The following DACH2 variants were observed in gnomAD, a reference collection of about 807,000 sequenced individuals.
DACH2 encodes the protein dachshund homolog 2.
Under a neutral mutation model 35.8 loss-of-function variants are expected in DACH2, and 17 were observed. That is an observed-to-expected ratio of 0.48 (90% confidence interval 0.33 to 0.71). The LOEUF (loss-of-function observed/expected upper bound fraction) is 0.71. Ranked by LOEUF, DACH2 falls within the 30% of genes least tolerant of loss-of-function variation. The probability of loss-of-function intolerance (pLI) is 0.02; values close to 1 mark genes in which losing one functional copy is unlikely to be tolerated. For missense variants in DACH2, 469 were observed against 472.7 expected, an observed-to-expected ratio of 0.99 and a Z score of 0.07; for synonymous variants, 195 against 177.3, an observed-to-expected ratio of 1.10 and a Z score of -0.79.
At chrX:86,370,729 G>C (rs760667114) in intron 1 of DACH2, among the ~76,000 whole-genome samples, 1 of 111,616 alleles carries the variant, frequency 9.0e-6, no homozygotes, top group African/African-American at 3.2e-5. Flanking sequence ...AGCTTTATAC[G>C]ACAGAAATGA....
At chrX:86,819,439 A>G (rs968513063) in intron 11 of DACH2, among the ~76,000 whole-genome samples, 5 of 110,830 alleles carry the variant, frequency 4.5e-5, no homozygotes, top group African/African-American at 1.6e-4. Context: ...CTTCAGATCA[A>G]TGATATTTTT....
In DACH2 at chrX:86,502,003, TTTCCTTCTTTCCTTCC is replaced by T. The variant is rs1471960889; in HGVS notation, c.528-12268_528-12253del. On this transcript the variant is annotated intron_variant, in intron 2 of 11. Coordinates refer to ENST00000373125, the MANE Select transcript of DACH2 (RefSeq NM_053281.3). ...GGCAAAACATTTTGAATAATCCTTCTTTCCTTCTTTCCTTCCTTCCTTCCTTCCTTCCTTCCTTCCT... is the reference window on the plus strand; with the variant it reads ...GGCAAAACATTTTGAATAATCCTTCTTTCCTTCCTTCCTTCCTTCCTTCCT... Among the ~76,000 whole-genome samples the T allele has an allele frequency of 5.1e-4, 43 of 84,729 alleles. No homozygotes were observed. In the East Asian group the frequency reaches 7.5e-3, roughly 15 times the overall value. The allele number at this position is 84,729 out of a possible 115,157, so 73.6% of individuals were successfully genotyped here. A position where few individuals can be genotyped will look rare whatever the true frequency, so the allele number is the denominator to read the frequency against.
chrX:86,530,983 T>C (rs2038710842), intron 3 of DACH2, among the ~76,000 whole-genome samples: 1 of 112,023 alleles, frequency 8.9e-6, no homozygotes, highest in African/African-American at 3.2e-5. Flanking sequence ...GAAAGCATTG[T>C]GCCCCTGTCC....
At chrX:86,659,775 G>A (rs1413005870) in intron 4 of DACH2, among the ~76,000 whole-genome samples, 2 of 111,770 alleles carry the variant, frequency 1.8e-5, no homozygotes, top group Non-Finnish European at 3.8e-5. Context: ...TGGTTACAAT[G>A]AACGAATCTG....
intron 1 of DACH2, among the ~76,000 whole-genome samples, chrX:86,335,072 T>C (rs1244175826): frequency 1.8e-5 from 2 of 111,642 alleles, no homozygotes; most frequent in Non-Finnish European, 3.8e-5. Flanking sequence ...TGGTTGTAGA[T>C]GTGGGGCACT....
At position 86,429,132 on chromosome X, in the gene DACH2, G is replaced by A. The variant is rs764667466; in HGVS notation, c.527+52270G>A. 4.5e-5 allele frequency among the ~76,000 whole-genome samples: 5 copies of A among 110,740 alleles called. No homozygotes were observed. In the East Asian group the frequency reaches 1.1e-3, roughly 25 times the overall value. Reference sequence around the variant, plus strand: ...GTTGAGTGTATAAAGGGCAGCTTAGGTATTCTCTGAATTTGTCCTTTATAA... The same window carrying A: ...GTTGAGTGTATAAAGGGCAGCTTAGATATTCTCTGAATTTGTCCTTTATAA... On this transcript the variant is annotated intron_variant, in intron 2 of 11. Coordinates refer to ENST00000373125, the MANE Select transcript of DACH2 (RefSeq NM_053281.3).
At chrX:86,461,529 A>G (rs2037573012) in intron 2 of DACH2, among the ~76,000 whole-genome samples, 2 of 111,109 alleles carry the variant, frequency 1.8e-5, no homozygotes, top group Non-Finnish European at 3.8e-5. Flanking sequence ...ATGATGTTTT[A>G]GAAGTGATAT....
chrX:86,657,300 C>T (rs12009466), intron 4 of DACH2, among the ~76,000 whole-genome samples: 3,314 of 110,570 alleles, frequency 0.03, 145 homozygotes, highest in African/African-American at 0.1. Context: ...ATAGATACCC[C>T]ATTTACCCTG....
intron 1 of DACH2, among the ~76,000 whole-genome samples, chrX:86,191,962 T>G (rs138755639): frequency 3.1e-3 from 349 of 111,138 alleles, no homozygotes; most frequent in Middle Eastern, 4.6e-3. Context: ...AAACAAACCT[T>G]AAAAAATCTT....
chrX:86,633,463 A>G (rs1010857656), intron 3 of DACH2, among the ~76,000 whole-genome samples: 2 of 111,763 alleles, frequency 1.8e-5, no homozygotes. Flanking sequence ...ATTAAAAACA[A>G]TCTCGCGACA....
At chrX:86,290,871 T>G (rs1350136735) in intron 1 of DACH2, among the ~76,000 whole-genome samples, 2 of 105,862 alleles carry the variant, frequency 1.9e-5, no homozygotes, top group Non-Finnish European at 3.9e-5. Context: ...CCTCCAGCTT[T>G]GTTCTTTTGG....
intron 7 of DACH2, chrX:86,742,636 T>C: frequency 3.7e-6 from 1 of 268,745 alleles, no homozygotes; most frequent in Non-Finnish European, 7.2e-6. Flanking sequence ...ACATCTCTTA[T>C]TTATAGTTAT....
At chrX:86,472,173 G>A (rs903651552) in intron 2 of DACH2, among the ~76,000 whole-genome samples, 4 of 111,863 alleles carry the variant, frequency 3.6e-5, no homozygotes, top group Non-Finnish European at 5.6e-5. Context: ...TATAAGATGG[G>A]AATAACAGCT....
At chrX:86,265,082 C>G (rs1312119470) in intron 1 of DACH2, among the ~76,000 whole-genome samples, 2 of 111,500 alleles carry the variant, frequency 1.8e-5, no homozygotes, top group Non-Finnish European at 3.8e-5. Context: ...TAACCATAAG[C>G]TCAGCATTGA....
At position 86,466,125 on chromosome X, in the gene DACH2, G is replaced by A. The variant is rs370628861; in HGVS notation, c.528-48154G>A. On this transcript the variant is annotated intron_variant, in intron 2 of 11. Transcript: ENST00000373125. ...CTGGGGAAGCCTCAGAATCATGGTG[G>A]GAGGTAAAAGGTACTTCTTACATGG... Among the ~76,000 whole-genome samples, 28 of 111,600 alleles carry A rather than the reference G, an allele frequency of 2.5e-4. No homozygotes were observed. In the East Asian group the frequency reaches 6.8e-3, roughly 27 times the overall value.
At chrX:86,278,843 C>T (rs947272806) in intron 1 of DACH2, among the ~76,000 whole-genome samples, 1 of 111,406 alleles carries the variant, frequency 9.0e-6, no homozygotes, top group African/African-American at 3.3e-5. Context: ...CTGGGATGCT[C>T]GAATTTGGTG....
intron 1 of DACH2, among the ~76,000 whole-genome samples, chrX:86,162,774 T>C (rs2147865354): frequency 9.0e-6 from 1 of 111,671 alleles, no homozygotes; most frequent in Non-Finnish European, 1.9e-5. Context: ...TTGGTAAATG[T>C]TCTTACTATT....
chrX:86,396,688 C>A (rs1387484315), intron 2 of DACH2, among the ~76,000 whole-genome samples: 2 of 110,988 alleles, frequency 1.8e-5, no homozygotes, highest in Non-Finnish European at 3.8e-5. Context: ...TGTCAAAGAT[C>A]AGATAGTTGC....
At chrX:86,566,176 A>G (rs1259243992) in intron 3 of DACH2, among the ~76,000 whole-genome samples, 1 of 112,039 alleles carries the variant, frequency 8.9e-6, no homozygotes, top group African/African-American at 3.2e-5. Flanking sequence ...ATTAAAAATA[A>G]TAGACTTTCT....
Sources: allele counts gnomAD v4.1 joint callset (sites outside exome capture counted in the v4.1 genomes callset), GRCh38; gene constraint gnomAD v4.1.1; transcripts MANE v1.5; gene names NCBI Gene and HGNC (gene_info 2026-07-23, HGNC 2026-07-21).